The following VSIG10 variants were observed in gnomAD, a reference collection of about 807,000 sequenced individuals.
VSIG10 encodes V-set and immunoglobulin domain containing 10, also known as V-set and immunoglobulin domain-containing protein 10.
Under a neutral mutation model 58.7 loss-of-function variants are expected in VSIG10, and 48 were observed. That is an observed-to-expected ratio of 0.82 (90% CI 0.65 to 1.04). The LOEUF (loss-of-function observed/expected upper bound fraction) is 1.04, where lower values mean the gene tolerates loss of function less well. Ranked by LOEUF, VSIG10 falls within the 50% of genes least tolerant of loss-of-function variation. VSIG10 has a pLI of 0.00. For synonymous variants in VSIG10, 260 were observed against 267.1 expected (o/e 0.97, Z 0.26); for missense variants, 628 against 670.0 (o/e 0.94, Z 0.69).
intron 3 of VSIG10, 134 bp from the exon 4 acceptor site, chr12:118,079,740 T>G: frequency 1.4e-4 from 177 of 1,247,648 alleles, no homozygotes; most frequent in Middle Eastern, 2.6e-4. Context: ...TAATAGCTCC[T>G]AGCACAAATT....
At chr12:118,082,994 T>A (rs4767659) in intron 2 of VSIG10, among the ~76,000 whole-genome samples, 3 of 150,906 alleles carry the variant, frequency 2.0e-5, no homozygotes, top group African/African-American at 7.3e-5. Context: ...ATGCCTGTAA[T>A]CCCAGCTACT....
chr12:118,095,128 G>A (rs1212370042), intron 2 of VSIG10, among the ~76,000 whole-genome samples: 2 of 151,994 alleles, frequency 1.3e-5, no homozygotes, highest in African/African-American at 2.4e-5. Flanking sequence ...TGGTCTCAAT[G>A]TCTCGACCTT....
At chr12:118,081,576 G>C (rs1408167766) in intron 3 of VSIG10, among the ~76,000 whole-genome samples, 1 of 152,098 alleles carries the variant, frequency 6.6e-6, no homozygotes, top group African/African-American at 2.4e-5. Flanking sequence ...GTTCTTCCGT[G>C]GTTCCCAAGC....
intron 1 of VSIG10, among the ~76,000 whole-genome samples, chr12:118,100,837 T>C (rs2033606485): frequency 6.6e-6 from 1 of 152,216 alleles, no homozygotes; most frequent in Non-Finnish European, 1.5e-5. Context: ...CCAAGAATTA[T>C]TTTTAAATTA....
intron 7 of VSIG10, 129 bp downstream of exon 7, chr12:118,070,923 C>G (rs1824085241): frequency 9.1e-7 from 1 of 1,099,880 alleles, no homozygotes; most frequent in African/African-American, 1.6e-5. Context: ...AATCCCTAGG[C>G]CAGTGTCTAG....
intron 4 of VSIG10, among the ~76,000 whole-genome samples, chr12:118,077,478 G>A: frequency 6.6e-6 from 1 of 151,974 alleles, no homozygotes; most frequent in East Asian, 1.9e-4. Flanking sequence ...CTACCCCCAT[G>A]CCACCCAGAA....
At chr12:118,092,625 T>C (rs2033330486) in intron 2 of VSIG10, among the ~76,000 whole-genome samples, 1 of 140,420 alleles carries the variant, frequency 7.1e-6, no homozygotes, top group Admixed American at 8.4e-5. Flanking sequence ...TCATTTCATA[T>C]GATTTTCTTT....
rs71069404 is a variant in VSIG10, at chr12:118,068,194, CTT to C, written c.1567+181_1567+182del. On this transcript the variant is annotated intron_variant, in intron 8 of 8. Transcript: ENST00000359236. ...ACACCACCATGACCGGCTAATTTTT[CTT>C]TTTTTTTTTTTTTTTTTTCGTAGAG... 1.2e-4 allele frequency among the ~76,000 whole-genome samples: 12 copies of C among 100,290 alleles called. No individual in the cohort carries two copies. The East Asian group carries it at 2.0e-3, about 17-fold the overall frequency. The allele number at this position is 100,290 out of a possible 152,430, so 65.8% of individuals were successfully genotyped here.
rs1238459551 is a variant in VSIG10 at position 118,095,580 on chromosome 12, T to C, written c.314A>G (p.Glu105Gly). The change falls in exon 2 of 9, where the codon GAG (glutamate) becomes GGG (glycine). Residue 105 changes from glutamate to glycine, a missense_variant. Transcript: ENST00000359236. ...LGDEGIYTCQ[E>G]ILNVTQWFQV... ...GAACCACTGAGTCACATTCAGGATC[T>C]CCTGGCAGGTGTAGATTCCCTCATC... 3 of 1,613,918 alleles carry C rather than the reference T, an allele frequency of 1.9e-6. No individual in the cohort carries two copies. In the South Asian group the frequency reaches 3.3e-5, roughly 18 times the overall value.
At chr12:118,100,473 G>A (rs1382799115) in intron 1 of VSIG10, among the ~76,000 whole-genome samples, 1 of 152,044 alleles carries the variant, frequency 6.6e-6, no homozygotes, top group African/African-American at 2.4e-5. Flanking sequence ...TTCCAGCCTG[G>A]GTAACAGAGC....
intron 1 of VSIG10, among the ~76,000 whole-genome samples, chr12:118,099,177 C>T (rs2137959444): frequency 6.6e-6 from 1 of 152,206 alleles, no homozygotes; most frequent in East Asian, 1.9e-4. Flanking sequence ...TCACTTGAAT[C>T]CAGGAGACTG....
intron 3 of VSIG10, among the ~76,000 whole-genome samples, chr12:118,081,476 T>G (rs1454482868): frequency 6.6e-6 from 1 of 151,886 alleles, no homozygotes; most frequent in African/African-American, 2.4e-5. Context: ...TGTGAGCCAC[T>G]GAGCCCATTC....
chr12:118,099,273 A>G (rs902124993), intron 1 of VSIG10, among the ~76,000 whole-genome samples: 4 of 151,160 alleles, frequency 2.6e-5, no homozygotes, highest in African/African-American at 9.7e-5. Context: ...GTTTAAGGTA[A>G]AAAACTGTTT....
intron 2 of VSIG10, among the ~76,000 whole-genome samples, chr12:118,083,188 T>C (rs1345640453): frequency 7.1e-6 from 1 of 141,258 alleles, no homozygotes; most frequent in Non-Finnish European, 1.5e-5. Context: ...ATGACTGTAA[T>C]CCTAGCATTT....
At position 118,103,816 on chromosome 12, in the gene VSIG10, G is replaced by A; in HGVS notation, c.-145C>T. On this transcript the variant is annotated 5_prime_UTR_variant, in exon 1 of 9. Coordinates refer to ENST00000359236, the MANE Select transcript of VSIG10 (RefSeq NM_019086.6). Reference sequence around the variant, plus strand: ...CCCCACTTCCTCGGCCCCCAGGAAGGATGCTTGGCTGAGCCGAGTGTCCAG... The same window carrying A: ...CCCCACTTCCTCGGCCCCCAGGAAGAATGCTTGGCTGAGCCGAGTGTCCAG... 2.6e-6 allele frequency: 2 copies of A among 775,782 alleles called. No individual in the cohort carries two copies. The highest frequency in any genetic ancestry group is 3.7e-6 in the Non-Finnish European group (2 of 535,630). The allele number at this position is 775,782 out of a possible 1,614,324, so 48.1% of individuals were successfully genotyped here. A position where few individuals can be genotyped will look rare whatever the true frequency, so the allele number is the denominator to read the frequency against.
intron 2 of VSIG10, among the ~76,000 whole-genome samples, chr12:118,094,903 AT>A (rs749324895): frequency 0.033 from 4,095 of 124,826 alleles, 272 homozygotes; most frequent in African/African-American, 0.11. Context: ...TGCCTGGCGA[AT>A]TTTTTTTTTT....
intron 2 of VSIG10, 126 bp downstream of exon 2, chr12:118,095,407 C>T: frequency 8.1e-7 from 1 of 1,236,094 alleles, no homozygotes. Flanking sequence ...CCTCAGCTTC[C>T]ATGTGGCAGG....
At chr12:118,098,121 C>CATAA (rs879423165) in intron 1 of VSIG10, among the ~76,000 whole-genome samples, 3,209 of 152,136 alleles carry the variant, frequency 0.021, 49 homozygotes, top group Middle Eastern at 0.058. Context: ...ATTACTGTGG[C>CATAA]GATCAATAAT....
intron 2 of VSIG10, among the ~76,000 whole-genome samples, chr12:118,087,459 GC>G (rs148132981): frequency 0.024 from 3,717 of 152,150 alleles, 72 homozygotes; most frequent in Non-Finnish European, 0.031. Context: ...CCAGCCACTT[GC>G]AGATAACAAA....
Sources: allele counts gnomAD v4.1 joint callset (sites outside exome capture counted in the v4.1 genomes callset), GRCh38; gene constraint gnomAD v4.1.1; transcripts MANE v1.5; gene names NCBI Gene and HGNC (gene_info 2026-07-23, HGNC 2026-07-21).